Variants in SND1 observed in about 807,000 individuals in gnomAD.
SND1 encodes the protein staphylococcal nuclease and tudor domain containing 1, also known as staphylococcal nuclease domain-containing protein 1.
A neutral mutation model predicts 121.7 loss-of-function variants in SND1; 38 were observed. The observed-to-expected ratio is 0.31, with a 90% CI of 0.24 to 0.41. SND1 has a LOEUF of 0.41. SND1 is among the 10% of genes least tolerant of loss of function. SND1 has a pLI of 1.00. For missense variants in SND1, 868 were observed against 1,184.6 expected (o/e 0.73, Z 3.92); for synonymous variants, 401 against 447.4 (o/e 0.90, Z 1.31).
chr7:128,069,558 C>G lies in SND1; in HGVS notation c.1780-4944C>G, dbSNP rs148296527. Among the ~76,000 whole-genome samples the G allele has an allele frequency of 3.9e-4, 59 of 152,316 alleles. 2 individuals carry two copies. In the East Asian group the frequency reaches 9.9e-3, roughly 25 times the overall value. ...TCTGGAGAAATTTCACAGTCTGGAACAAGCTTCCTTCCCCATGGAGCTGAC... is the reference window on the plus strand; with the variant it reads ...TCTGGAGAAATTTCACAGTCTGGAAGAAGCTTCCTTCCCCATGGAGCTGAC... On this transcript the variant is annotated intron_variant, in intron 16 of 23. Transcript: ENST00000354725.
intron 13 of SND1, among the ~76,000 whole-genome samples, chr7:127,889,393 A>G (rs968622188): frequency 4.6e-5 from 7 of 151,770 alleles, no homozygotes; most frequent in African/African-American, 7.3e-5. Context: ...TTGTGAGTAT[A>G]TAACAGATGT....
At chr7:127,971,493 C>T (rs778611539) in intron 15 of SND1, among the ~76,000 whole-genome samples, 3 of 152,130 alleles carry the variant, frequency 2.0e-5, no homozygotes, top group Non-Finnish European at 2.9e-5. Context: ...TTGTTGGTGA[C>T]GCTGAGTCTT....
chr7:127,972,199 C>T (rs998019488), intron 15 of SND1, among the ~76,000 whole-genome samples: 2 of 152,154 alleles, frequency 1.3e-5, no homozygotes, highest in Non-Finnish European at 2.9e-5. Flanking sequence ...GTATCCTTTC[C>T]GACCTCGGTC....
intron 13 of SND1, among the ~76,000 whole-genome samples, chr7:127,892,471 C>T (rs935914490): frequency 2.6e-5 from 4 of 152,152 alleles, no homozygotes; most frequent in African/African-American, 9.6e-5. Context: ...CTCCTTTACT[C>T]AGGTGCCTCT....
intron 10 of SND1, among the ~76,000 whole-genome samples, chr7:127,743,304 C>G (rs73723066): frequency 6.6e-6 from 1 of 152,198 alleles, no homozygotes; most frequent in Non-Finnish European, 1.5e-5. Flanking sequence ...GTGGGAACCT[C>G]GGTGTGCAAG....
chr7:127,771,916 G>T (rs1281096523), intron 10 of SND1, among the ~76,000 whole-genome samples: 1 of 151,880 alleles, frequency 6.6e-6, no homozygotes, highest in Non-Finnish European at 1.5e-5. Context: ...TTCCGGCTGG[G>T]CCATCTATTT....
At position 127,666,296 on chromosome 7, in the gene SND1, C is replaced by G. The variant is rs1587579642; in HGVS notation, c.78+13845C>G. ...CGGACTGCTTGGTTTCCATTTAATC[C>G]TTAAGAGTTCCCATATTGGTGCTCT... On this transcript the variant is annotated intron_variant, in intron 1 of 23. Transcript: ENST00000354725. Among the ~76,000 whole-genome samples the G allele has an allele frequency of 3.9e-5, 6 of 152,282 alleles. No individual in the cohort carries two copies. In the South Asian group the frequency reaches 1.2e-3, roughly 32 times the overall value.
intron 16 of SND1, among the ~76,000 whole-genome samples, chr7:128,034,881 A>G (rs1204434808): frequency 2.6e-5 from 4 of 152,256 alleles, no homozygotes; most frequent in Admixed American, 2.0e-4. Flanking sequence ...CCCAAGTACC[A>G]TCTAGCTATG....
At chr7:127,725,144 GTGTGACTGTAAC>G (rs1796560413) in intron 10 of SND1, among the ~76,000 whole-genome samples, 1 of 152,150 alleles carries the variant, frequency 6.6e-6, no homozygotes, top group Non-Finnish European at 1.5e-5. Context: ...GGGCATCCTA[GTGTGACTGTAAC>G]TGTATGTGTT....
intron 11 of SND1, among the ~76,000 whole-genome samples, chr7:127,843,466 T>C (rs1253663578): frequency 1.3e-5 from 2 of 152,244 alleles, no homozygotes; most frequent in African/African-American, 2.4e-5. Flanking sequence ...TTTAACCTTT[T>C]CTAGAATGTC....
chr7:127,886,849 C>CAAAAAAA (rs11413396), intron 12 of SND1, among the ~76,000 whole-genome samples: 4 of 118,422 alleles, frequency 3.4e-5, no homozygotes, highest in Non-Finnish European at 6.7e-5. Context: ...CTTATTCTGG[C>CAAAAAAA]AAAAAAAAAA....
At chr7:127,988,632 A>C (rs927268763) in intron 15 of SND1, among the ~76,000 whole-genome samples, 1 of 152,240 alleles carries the variant, frequency 6.6e-6, no homozygotes, top group Non-Finnish European at 1.5e-5. Context: ...CTGAAGCTTC[A>C]CCAACCTGGT....
chr7:128,089,139 C>G (rs1361756568), intron 21 of SND1, among the ~76,000 whole-genome samples: 2 of 152,154 alleles, frequency 1.3e-5, no homozygotes, highest in Admixed American at 1.3e-4. Flanking sequence ...ACTGCAGCCT[C>G]CGCCTCCTAG....
chr7:127,898,489 A>G lies in SND1; in HGVS notation c.1455-6258A>G, dbSNP rs1350234521. Among the ~76,000 whole-genome samples, 3 of 152,108 alleles carry G rather than the reference A, an allele frequency of 2.0e-5. 1 individual carries two copies. The highest frequency in any genetic ancestry group is 2.0e-4 in the Admixed American group (3 of 15,254). ...ACCCTGTCGCTTCCTCCAGCTCCCAAGTAACCAGGAGAAAGGCCGAAGGAA... is the reference window on the plus strand; with the variant it reads ...ACCCTGTCGCTTCCTCCAGCTCCCAGGTAACCAGGAGAAAGGCCGAAGGAA... On this transcript the variant is annotated intron_variant, in intron 13 of 23. Transcript: ENST00000354725.
chr7:127,794,455 T>C (rs1038268386), intron 10 of SND1, among the ~76,000 whole-genome samples: 1 of 152,234 alleles, frequency 6.6e-6, no homozygotes, highest in Admixed American at 6.5e-5. Flanking sequence ...TTATTTTCCC[T>C]TCTGTGTTCT....
At chr7:127,751,209 G>A (rs1797086570) in intron 10 of SND1, among the ~76,000 whole-genome samples, 1 of 152,052 alleles carries the variant, frequency 6.6e-6, no homozygotes, top group African/African-American at 2.4e-5. Flanking sequence ...TTGTTGAATG[G>A]TGTAAAAGCC....
chr7:127,979,319 C>T (rs1006965424), intron 15 of SND1, among the ~76,000 whole-genome samples: 5 of 152,138 alleles, frequency 3.3e-5, no homozygotes, highest in East Asian at 1.9e-4. Context: ...TAGAAGGGTG[C>T]GACTCACGGA....
At chr7:127,767,441 A>G (rs1797442341) in intron 10 of SND1, among the ~76,000 whole-genome samples, 1 of 152,242 alleles carries the variant, frequency 6.6e-6, no homozygotes, top group African/African-American at 2.4e-5. Flanking sequence ...CTGTCAATAT[A>G]GTTTGATAAA....
chr7:127,950,427 C>T (rs1285108855), intron 15 of SND1, among the ~76,000 whole-genome samples: 1 of 152,170 alleles, frequency 6.6e-6, no homozygotes, highest in Non-Finnish European at 1.5e-5. Context: ...TGTGATGTGC[C>T]TCTTATCCGG....
Sources: allele counts gnomAD v4.1 joint callset (sites outside exome capture counted in the v4.1 genomes callset), GRCh38; gene constraint gnomAD v4.1.1; transcripts MANE v1.5; gene names NCBI Gene and HGNC (gene_info 2026-07-23, HGNC 2026-07-21).